The following PATJ variants were observed in gnomAD, a reference collection of about 807,000 sequenced individuals.
PATJ encodes the protein inaD-like protein.
Under a neutral mutation model 224.9 loss-of-function variants are expected in PATJ, and 190 were observed. The ratio of observed to expected loss-of-function variants is 0.84; its 90% CI spans 0.75 to 0.95. PATJ has a LOEUF of 0.95. Among genes scored for constraint, PATJ ranks in the 40% least tolerant of loss-of-function variants. The pLI is 0.00. For synonymous variants in PATJ, 769 were observed against 820.3 expected (o/e 0.94, Z 1.07); for missense variants, 2,121 against 2,270.3 (o/e 0.93, Z 1.34).
At chr1:62,044,542 C>T (rs193177013) in intron 30 of PATJ, among the ~76,000 whole-genome samples, 3 of 152,216 alleles carry the variant, frequency 2.0e-5, no homozygotes, top group Admixed American at 6.5e-5. Flanking sequence ...ACTTGGGTTC[C>T]GACATACTTA....
At chr1:61,850,264 G>A (rs1449951688) in intron 17 of PATJ, among the ~76,000 whole-genome samples, 1 of 152,070 alleles carries the variant, frequency 6.6e-6, no homozygotes, top group Non-Finnish European at 1.5e-5. Flanking sequence ...TGATCTTTGG[G>A]AATGTACACA....
At chr1:61,986,379 CTGTCTGCAGT>C (rs1255868244) in intron 27 of PATJ, among the ~76,000 whole-genome samples, 1 of 151,902 alleles carries the variant, frequency 6.6e-6, no homozygotes, top group African/African-American at 2.4e-5. Flanking sequence ...TTTAAAAAAC[CTGTCTGCAGT>C]TATTTTTCTC....
At chr1:61,754,688 C>T (rs149283455) in intron 1 of PATJ, among the ~76,000 whole-genome samples, 6 of 152,090 alleles carry the variant, frequency 3.9e-5, no homozygotes, top group Non-Finnish European at 5.9e-5. Context: ...CTTTAATCTT[C>T]TTCCCTAGAC....
At position 62,111,456 on chromosome 1, in the gene PATJ, G is replaced by A. The variant is rs984478152; in HGVS notation, c.4462-2597G>A. On this transcript the variant is annotated intron_variant, in intron 34 of 43. Transcript: ENST00000642238. Reference sequence around the variant, plus strand: ...AAAATACCAACTTCTAACTTACATTGGATATAACTGTGTGCCAAGCCCTGT... The same window carrying A: ...AAAATACCAACTTCTAACTTACATTAGATATAACTGTGTGCCAAGCCCTGT... Among the ~76,000 whole-genome samples the A allele has an allele frequency of 2.0e-5, 3 of 152,080 alleles. No individual in the cohort carries two copies. In the East Asian group the frequency reaches 5.8e-4, roughly 29 times the overall value.
rs747934422 is a variant in PATJ, at chr1:62,128,851, G to A, written c.5177G>A (p.Arg1726Gln). 2.1e-5 allele frequency: 34 copies of A among 1,609,304 alleles called. No homozygotes were observed. Among genetic ancestry groups the A allele is most frequent in the South Asian group, 1.7e-4 (15 of 90,882 alleles). ...ARTQKLKVGD[R>Q]IVSINGQPLD... The stretch of plus-strand genomic sequence containing the variant: ...TTTTTGTACTTCCAGGTTGGAGATC[G>A]GATTGTCAGCATTAACGGGCAACCT... The change falls in exon 41 of 44, where the codon CGG (arginine) becomes CAG (glutamine). Residue 1726 changes from arginine (R) to glutamine (Q), a missense_variant. By Grantham distance (43) the Arg-to-Gln change is conservative (BLOSUM62 1). Transcript: ENST00000642238.
intron 24 of PATJ, among the ~76,000 whole-genome samples, chr1:61,907,670 G>A (rs540429493): frequency 1.3e-5 from 2 of 152,232 alleles, no homozygotes; most frequent in Admixed American, 1.3e-4. Flanking sequence ...ACTATCCGTT[G>A]AGACCACAGA....
At chr1:62,145,230 A>T (rs1667925116) in intron 41 of PATJ, among the ~76,000 whole-genome samples, 1 of 152,224 alleles carries the variant, frequency 6.6e-6, no homozygotes, top group African/African-American at 2.4e-5. Context: ...TGTGCTAGGC[A>T]CTCTTCTATG....
intron 20 of PATJ, among the ~76,000 whole-genome samples, chr1:61,868,558 G>A (rs948917084): frequency 9.9e-5 from 15 of 152,162 alleles, no homozygotes; most frequent in Non-Finnish European, 1.8e-4. Context: ...GGAGGCCAAG[G>A]TGGGTGGATC....
chr1:62,103,452 G>A (rs1365859700), intron 33 of PATJ, among the ~76,000 whole-genome samples: 3 of 152,132 alleles, frequency 2.0e-5, no homozygotes, highest in Non-Finnish European at 4.4e-5. Flanking sequence ...ATGGACAGGT[G>A]CTATTAAAAA....
intron 27 of PATJ, among the ~76,000 whole-genome samples, chr1:61,961,859 C>T (rs905891479): frequency 6.6e-6 from 1 of 151,536 alleles, no homozygotes; most frequent in African/African-American, 2.4e-5. Context: ...ATCCCAGCTA[C>T]TCGGGAGGCT....
At chr1:61,879,847 T>C (rs1205599890) in intron 21 of PATJ, among the ~76,000 whole-genome samples, 1 of 147,248 alleles carries the variant, frequency 6.8e-6, no homozygotes, top group Non-Finnish European at 1.5e-5. Context: ...TTTTTTTTTC[T>C]TTTTCTTTTT....
intron 26 of PATJ, among the ~76,000 whole-genome samples, chr1:61,919,427 C>A (rs891742305): frequency 6.6e-6 from 1 of 151,820 alleles, no homozygotes; most frequent in African/African-American, 2.4e-5. Flanking sequence ...TCTGAGCCTC[C>A]CAAGTAGCTG....
At chr1:62,033,762 G>A (rs747579017) in intron 29 of PATJ, among the ~76,000 whole-genome samples, 2 of 152,106 alleles carry the variant, frequency 1.3e-5, no homozygotes, top group East Asian at 1.9e-4. Flanking sequence ...AGCATGGGGC[G>A]GTTTCCGTAA....
chr1:61,998,546 G>A (rs146933480), intron 28 of PATJ, among the ~76,000 whole-genome samples: 69 of 152,172 alleles, frequency 4.5e-4, no homozygotes, highest in Middle Eastern at 3.4e-3. Flanking sequence ...AAAATTTAAC[G>A]CCACTTTGAA....
chr1:61,857,989 A>T (rs1365173105), intron 18 of PATJ, among the ~76,000 whole-genome samples: 1 of 152,210 alleles, frequency 6.6e-6, no homozygotes, highest in African/African-American at 2.4e-5. Flanking sequence ...ATATGTATAG[A>T]TAGATGGATA....
chr1:61,826,374 A>G (rs974301754), intron 15 of PATJ, among the ~76,000 whole-genome samples: 1 of 151,644 alleles, frequency 6.6e-6, no homozygotes, highest in Non-Finnish European at 1.5e-5. Context: ...CACGGCACCT[A>G]TTAGAAATTA....
chr1:62,017,797 A>G, intron 28 of PATJ, 59 bp from the exon 29 acceptor site: 5 of 799,278 alleles, frequency 6.3e-6, no homozygotes, highest in Non-Finnish European at 8.6e-6. Flanking sequence ...AATTCCAAGT[A>G]TATACATATA....
At chr1:61,992,169 G>A (rs777078440) in intron 28 of PATJ, among the ~76,000 whole-genome samples, 7 of 149,870 alleles carry the variant, frequency 4.7e-5, no homozygotes, top group Non-Finnish European at 8.9e-5. Context: ...CCAGGCTGGA[G>A]TGCAATAGCA....
At position 62,148,358 on chromosome 1, in the gene PATJ, G is replaced by T; in HGVS notation, c.5346G>T (p.Ser1782=). 6.2e-7 allele frequency: 1 copy of T among 1,613,504 alleles called. No individual in the cohort carries two copies. The highest frequency in any genetic ancestry group is 1.1e-5 in the South Asian group (1 of 91,060). Residue 1782 remains serine (S), a synonymous_variant, in exon 42 of 44, where the codon TCG becomes TCT. Transcript: ENST00000642238. ...ENMSTGYHLG[S]PTAEHHPEDT... Reference sequence around the variant, plus strand: ...TGTCTACAGGCTACCACCTTGGTTCGCCCACTGCTGAACACCATCCAGAAG... The same window carrying T: ...TGTCTACAGGCTACCACCTTGGTTCTCCCACTGCTGAACACCATCCAGAAG...
Sources: gnomAD v4.1 joint callset for allele counts (sites outside exome capture counted in the v4.1 genomes callset) on GRCh38, gnomAD v4.1.1 for gene constraint, MANE v1.5 for transcripts, NCBI Gene and HGNC (gene_info 2026-07-23, HGNC 2026-07-21) for gene names.